WDR86: variants seen among roughly 807,000 people sequenced by gnomAD.
WDR86 encodes the protein WD repeat-containing protein 86.
In WDR86, 30 loss-of-function variants were observed where a neutral mutation model predicts 36.5. The ratio of observed to expected loss-of-function variants is 0.82; its 90% CI spans 0.61 to 1.11. WDR86 has a LOEUF of 1.11. Ranked by LOEUF, WDR86 falls within the 50% of genes most tolerant of loss-of-function variation. The pLI, the probability that WDR86 is intolerant of heterozygous loss-of-function variation, is 0.00. For synonymous variants in WDR86, 255 were observed against 252.9 expected, an observed-to-expected ratio of 1.01 and a Z score of -0.08; for missense variants, 545 against 561.2, an observed-to-expected ratio of 0.97 and a Z score of 0.29.
At chr7:151,379,216 T>TG (rs146671211), downstream of WDR86, among the ~76,000 whole-genome samples, 1,967 of 151,838 alleles carry the variant, frequency 0.013, 45 homozygotes, top group African/African-American at 0.045. Flanking sequence ...GAGAGAAGAA[T>TG]GGGGGCGGAT....
rs2150888745 is a variant in WDR86 at position 151,409,008 on chromosome 7, A to G, written c.163+419T>C. On this transcript the variant is annotated intron_variant, in intron 1 of 5. Coordinates refer to ENST00000334493, the MANE Select transcript of WDR86 (RefSeq NM_198285.3). The surrounding 1 kb of genome is among the most constrained non-coding windows in gnomAD (Gnocchi z 5.2). ...TTGCTGTGAGAGTCGTCAACAGGAAATGCCAGCAGAAGAGCACAATTGGCC... is the reference window on the plus strand; with the variant it reads ...TTGCTGTGAGAGTCGTCAACAGGAAGTGCCAGCAGAAGAGCACAATTGGCC... 2.1e-6 allele frequency: 1 copy of G among 481,410 alleles called. No homozygotes were observed. The highest frequency in any genetic ancestry group is 2.3e-5 in the Admixed American group (1 of 42,826). 29.8% of individuals were successfully genotyped at this position (481,410 alleles called of 1,614,324 possible).
chr7:151,389,817 C>T (rs1456537868), intron 3 of WDR86, among the ~76,000 whole-genome samples: 2 of 152,156 alleles, frequency 1.3e-5, no homozygotes, highest in Non-Finnish European at 2.9e-5. Flanking sequence ...GGTCAGTGAC[C>T]CCGACTGCAT....
downstream of WDR86, among the ~76,000 whole-genome samples, chr7:151,380,653 C>T (rs1321643020): frequency 1.3e-5 from 2 of 152,102 alleles, no homozygotes; most frequent in African/African-American, 4.8e-5. Flanking sequence ...CTGAGCCCCA[C>T]TGGCCCCTCG....
chr7:151,376,361 G>A (rs903832071), downstream of WDR86: 16 of 501,552 alleles, frequency 3.2e-5, no homozygotes, highest in East Asian at 9.9e-5. Context: ...CGCGGTGCTC[G>A]TGGTGAGGCT....
chr7:151,410,020 G>C lies in WDR86; in HGVS notation c.-431C>G, dbSNP rs556597339. ...CGAGCGCCCCGCGCCCTCCCCGGCC[G>C]AGCGCGGAACAATACGGTCCAGCCT... On this transcript the variant is annotated 5_prime_UTR_variant, in exon 1 of 6. Transcript: ENST00000334493. 3 of 993,782 alleles carry C rather than the reference G, an allele frequency of 3.0e-6. No individual in the cohort carries two copies. The highest frequency in any genetic ancestry group is 3.6e-6 in the Non-Finnish European group (3 of 836,014). 61.6% of individuals were successfully genotyped at this position (993,782 alleles called of 1,614,324 possible).
downstream of WDR86, chr7:151,376,185 T>C (rs1798227439): frequency 2.0e-6 from 1 of 512,312 alleles, no homozygotes; most frequent in Non-Finnish European, 3.6e-6. Context: ...TTGCTGCCTT[T>C]GTCTATGCAC....
intron 1 of WDR86, among the ~76,000 whole-genome samples, chr7:151,402,070 A>AAAAATATATATATATATAT: frequency 1.6e-4 from 8 of 50,530 alleles, no homozygotes; most frequent in African/African-American, 2.4e-4. Flanking sequence ...AAAAAAAAAA[A>AAAAATATATATATATATAT]ATATATATAT....
chr7:151,403,098 G>A (rs191329352), intron 1 of WDR86, among the ~76,000 whole-genome samples: 80 of 152,364 alleles, frequency 5.3e-4, no homozygotes, highest in Admixed American at 1.4e-3. Flanking sequence ...CACCCACTGC[G>A]ATGGCTACAC....
At position 151,409,392 on chromosome 7, in the gene WDR86, G is replaced by C; in HGVS notation, c.163+35C>G. 6.4e-7 allele frequency: 1 copy of C among 1,552,430 alleles called. No individual in the cohort carries two copies. Among genetic ancestry groups the C allele is most frequent in the African/African-American group, 1.4e-5 (1 of 73,586 alleles). Reference sequence around the variant, plus strand: ...CCGCGGTCTGGGGCCGGTGAGCTGCGGCGAAGAGGTCAGGGAGGGAGTGGG... The same window carrying C: ...CCGCGGTCTGGGGCCGGTGAGCTGCCGCGAAGAGGTCAGGGAGGGAGTGGG... On this transcript the variant is annotated intron_variant, in intron 1 of 5. Transcript: ENST00000334493. The surrounding 1 kb of genome is among the most constrained non-coding windows in gnomAD (Gnocchi z 5.2).
chr7:151,377,135 T>C (rs761638513), downstream of WDR86: 1 of 1,589,768 alleles, frequency 6.3e-7, no homozygotes. Context: ...AGGAAGACTA[T>C]CTTGACTCAA....
downstream of WDR86, chr7:151,374,332 G>A: frequency 6.8e-7 from 1 of 1,464,716 alleles, no homozygotes. Context: ...ATCCTCCCGG[G>A]CTCACTCCTA....
At chr7:151,375,997 T>TG (rs1798206613) in exon 2 of WDR86, 3 of 1,147,178 alleles carry the variant, frequency 2.6e-6, no homozygotes, top group East Asian at 4.7e-5. Flanking sequence ...TGGGGTTGCT[T>TG]GGGGTAACCC....
rs188680416 is a variant in WDR86 at position 151,390,640 on chromosome 7, C to T, written c.726+5136G>A. Among the ~76,000 whole-genome samples the T allele has an allele frequency of 3.9e-5, 6 of 152,206 alleles. No individual in the cohort carries two copies. Among genetic ancestry groups the T allele is most frequent in the African/African-American group, 1.2e-4 (5 of 41,452 alleles). On this transcript the variant is annotated intron_variant, in intron 3 of 5. Coordinates refer to ENST00000334493, the MANE Select transcript of WDR86 (RefSeq NM_198285.3). The surrounding 1 kb of genome is among the most constrained non-coding windows in gnomAD (Gnocchi z 4.5). ...CAACAGCTGAAAGGTGAAAGCAACC[C>T]GTGTGTCTATCAACAGGTGACGGAT...
At chr7:151,376,607 T>A, downstream of WDR86, 1 of 1,574,578 alleles carries the variant, frequency 6.4e-7, no homozygotes, top group Non-Finnish European at 8.7e-7. Flanking sequence ...CAGGGGCTGA[T>A]GCTGTGACCC....
intron 4 of WDR86, among the ~76,000 whole-genome samples, chr7:151,384,304 G>A (rs113797996): frequency 6.6e-6 from 1 of 152,258 alleles, no homozygotes; most frequent in African/African-American, 2.4e-5. Flanking sequence ...ATTCCATCTG[G>A]GCAGCAAATT....
intron 3 of WDR86, among the ~76,000 whole-genome samples, chr7:151,393,109 C>T (rs1012553571): frequency 6.6e-6 from 1 of 152,210 alleles, no homozygotes; most frequent in Admixed American, 6.5e-5. Context: ...CTCTGGCCCC[C>T]GGGTGCTCTC....
downstream of WDR86, among the ~76,000 whole-genome samples, chr7:151,380,436 A>G (rs1026143281): frequency 3.1e-4 from 47 of 152,208 alleles, 1 homozygote; most frequent in Middle Eastern, 3.4e-3. Context: ...CTCCACTTGA[A>G]GGGGCTGCTC....
intron 3 of WDR86, among the ~76,000 whole-genome samples, chr7:151,392,279 C>T (rs907519660): frequency 6.6e-6 from 1 of 152,076 alleles, no homozygotes; most frequent in East Asian, 1.9e-4. Flanking sequence ...AGCTGGCCAG[C>T]GAGGCCCTCT....
rs75894394 is a variant in WDR86 at position 151,390,809 on chromosome 7, C to T, written c.726+4967G>A. Among the ~76,000 whole-genome samples, 1,878 of 152,314 alleles carry T rather than the reference C, an allele frequency of 0.012. 49 individuals are homozygous for T. The highest frequency in any genetic ancestry group is 0.043 in the African/African-American group (1,796 of 41,566). ...CAGACAGGAAAGGACAGATCCTGCA[C>T]GACTCCACTCATGTGAGGACCCAGA... is the stretch of plus-strand genomic sequence containing the variant. On this transcript the variant is annotated intron_variant, in intron 3 of 5. Transcript: ENST00000334493. The surrounding 1 kb of genome is among the most constrained non-coding windows in gnomAD (Gnocchi z 4.5).
Sources: allele counts gnomAD v4.1 joint callset (sites outside exome capture counted in the v4.1 genomes callset), GRCh38; gene constraint gnomAD v4.1.1; non-coding constraint Gnocchi (gnomAD v3.1); transcripts MANE v1.5; gene names NCBI Gene and HGNC (gene_info 2026-07-23, HGNC 2026-07-21).